The following SPOCK1 variants were observed in gnomAD, a reference collection of about 807,000 sequenced individuals.
The protein encoded by SPOCK1 is testican-1.
In SPOCK1, 23 loss-of-function variants were observed where a neutral mutation model predicts 55.3. That is an observed-to-expected ratio of 0.42 (90% CI 0.30 to 0.59). The LOEUF (loss-of-function observed/expected upper bound fraction) is 0.59, where lower values mean the gene tolerates loss of function less well. SPOCK1 is among the 20% of genes least tolerant of loss of function. The pLI is 0.22. For synonymous variants in SPOCK1, 226 were observed against 221.0 expected (o/e 1.02, Z -0.20); for missense variants, 499 against 552.5 (o/e 0.90, Z 0.97).
At chr5:137,286,023 A>G (rs189830597) in intron 2 of SPOCK1, among the ~76,000 whole-genome samples, 39 of 152,312 alleles carry the variant, frequency 2.6e-4, no homozygotes, top group Admixed American at 2.4e-3. Flanking sequence ...GCAGGCCTGT[A>G]GGCTGAGTTT....
chr5:137,212,311 A>T (rs1755632692), intron 3 of SPOCK1, among the ~76,000 whole-genome samples: 1 of 152,146 alleles, frequency 6.6e-6, no homozygotes, highest in Non-Finnish European at 1.5e-5. Context: ...GAGTAGAGAG[A>T]AAAAACAGGG....
intron 3 of SPOCK1, among the ~76,000 whole-genome samples, chr5:137,166,933 C>T (rs973256030): frequency 1.3e-5 from 2 of 151,834 alleles, no homozygotes; most frequent in Non-Finnish European, 2.9e-5. Flanking sequence ...AACCAGGAGG[C>T]AAATAGCAAA....
chr5:137,301,762 T>C (rs1374864153), intron 2 of SPOCK1, among the ~76,000 whole-genome samples: 3 of 151,326 alleles, frequency 2.0e-5, no homozygotes, highest in African/African-American at 7.3e-5. Context: ...CTTACAAAAT[T>C]TCCTGTACAC....
intron 2 of SPOCK1, among the ~76,000 whole-genome samples, chr5:137,347,702 GC>G (rs1359377796): frequency 6.6e-6 from 1 of 151,924 alleles, no homozygotes; most frequent in Non-Finnish European, 1.5e-5. Flanking sequence ...GGGCAACAGG[GC>G]AAGACTCCAT....
At chr5:137,086,032 C>A (rs1752955683) in intron 5 of SPOCK1, among the ~76,000 whole-genome samples, 1 of 152,174 alleles carries the variant, frequency 6.6e-6, no homozygotes, top group South Asian at 2.1e-4. Flanking sequence ...TGTTTTAAGG[C>A]AAATGAAATT....
At chr5:137,337,918 G>A (rs778636420) in intron 2 of SPOCK1, among the ~76,000 whole-genome samples, 55 of 152,216 alleles carry the variant, frequency 3.6e-4, no homozygotes, top group Middle Eastern at 3.4e-3. Flanking sequence ...AGTTCTCATC[G>A]TGGCCTCTCC....
intron 2 of SPOCK1, among the ~76,000 whole-genome samples, chr5:137,471,786 G>T (rs1194314838): frequency 6.6e-6 from 1 of 152,148 alleles, no homozygotes; most frequent in Admixed American, 6.5e-5. Flanking sequence ...CATCTCCCAA[G>T]AGCAGGAGGA....
chr5:137,284,309 G>A (rs1467918000), intron 2 of SPOCK1, among the ~76,000 whole-genome samples: 1 of 152,170 alleles, frequency 6.6e-6, no homozygotes, highest in Non-Finnish European at 1.5e-5. Context: ...ACCCGACTCA[G>A]ACCCATACAA....
chr5:137,401,715 C>T (rs1046092378), intron 2 of SPOCK1, among the ~76,000 whole-genome samples: 6 of 152,050 alleles, frequency 3.9e-5, no homozygotes, highest in Admixed American at 3.9e-4. Context: ...CTGCATTCCA[C>T]CCTGGGTGAC....
intron 3 of SPOCK1, among the ~76,000 whole-genome samples, chr5:137,242,756 C>G (rs765428694): frequency 1.4e-4 from 21 of 152,060 alleles, no homozygotes; most frequent in South Asian, 2.1e-4. Flanking sequence ...CCAAAAAAAC[C>G]ATACAGTTGT....
intron 2 of SPOCK1, among the ~76,000 whole-genome samples, chr5:137,383,286 G>C (rs968816816): frequency 3.9e-5 from 6 of 152,094 alleles, no homozygotes; most frequent in African/African-American, 1.4e-4. Flanking sequence ...TACTTGGCAG[G>C]GCTCAACAAA....
chr5:137,264,206 G>A (rs1415518244), intron 3 of SPOCK1, among the ~76,000 whole-genome samples: 2 of 151,990 alleles, frequency 1.3e-5, no homozygotes, highest in African/African-American at 4.8e-5. Flanking sequence ...GAGTCCTAGA[G>A]GAGTGACATC....
chr5:137,434,618 G>C (rs972654613), intron 2 of SPOCK1, among the ~76,000 whole-genome samples: 2 of 146,134 alleles, frequency 1.4e-5, no homozygotes, highest in Non-Finnish European at 3.0e-5. Context: ...TCCTGCCTCA[G>C]CCTCCCTAGT....
chr5:137,177,163 C>T (rs752380323), intron 3 of SPOCK1, among the ~76,000 whole-genome samples: 23 of 152,164 alleles, frequency 1.5e-4, no homozygotes, highest in Non-Finnish European at 7.3e-5. Context: ...AGCATCTCCC[C>T]CTCAATAATG....
At chr5:137,066,773 T>C (rs75768376) in intron 6 of SPOCK1, among the ~76,000 whole-genome samples, 4 of 152,304 alleles carry the variant, frequency 2.6e-5, no homozygotes, top group Non-Finnish European at 5.9e-5. Context: ...ACATCCTGAC[T>C]TAAACCTCCT....
intron 2 of SPOCK1, among the ~76,000 whole-genome samples, chr5:137,310,714 A>C (rs750870591): frequency 6.6e-6 from 1 of 152,178 alleles, no homozygotes; most frequent in Non-Finnish European, 1.5e-5. Flanking sequence ...TGGAGGATGG[A>C]CCTCATCATT....
At chr5:137,468,869 C>A (rs1248428775) in intron 2 of SPOCK1, among the ~76,000 whole-genome samples, 2 of 148,992 alleles carry the variant, frequency 1.3e-5, no homozygotes, top group African/African-American at 4.9e-5. Context: ...AAGGGCCGTT[C>A]CCCCCAACTC....
intron 2 of SPOCK1, among the ~76,000 whole-genome samples, chr5:137,425,913 C>A (rs921957451): frequency 3.8e-4 from 58 of 151,178 alleles, no homozygotes; most frequent in African/African-American, 1.4e-3. Context: ...AACCCTCAAA[C>A]CCCCTTTGGG....
chr5:136,996,209 T>C (rs1280091612), intron 6 of SPOCK1, among the ~76,000 whole-genome samples: 4 of 152,212 alleles, frequency 2.6e-5, no homozygotes, highest in Non-Finnish European at 5.9e-5. Context: ...ACACACTTAG[T>C]ACATTCCTAG....
Sources: gnomAD v4.1 joint callset for allele counts (sites outside exome capture counted in the v4.1 genomes callset) on GRCh38, gnomAD v4.1.1 for gene constraint, MANE v1.5 for transcripts, NCBI Gene and HGNC (gene_info 2026-07-23, HGNC 2026-07-21) for gene names.